Variants in SCUBE2 observed in about 807,000 individuals in gnomAD.
The protein encoded by SCUBE2 is signal peptide, CUB and EGF-like domain-containing protein 2.
A neutral mutation model predicts 125.9 loss-of-function variants in SCUBE2; 114 were observed. The observed-to-expected ratio is 0.91, with a 90% CI of 0.78 to 1.06. The LOEUF is 1.06. SCUBE2 is among the 50% of genes least tolerant of loss of function. The probability of loss-of-function intolerance (pLI) is 0.00; values close to 1 mark genes in which losing one functional copy is unlikely to be tolerated. For missense variants in SCUBE2, 1,255 were observed against 1,301.8 expected (o/e 0.96, Z 0.55); for synonymous variants, 459 against 492.9 (o/e 0.93, Z 0.91).
At chr11:9,051,551 T>C (rs1322624687) in intron 13 of SCUBE2, among the ~76,000 whole-genome samples, 1 of 152,094 alleles carries the variant, frequency 6.6e-6, no homozygotes, top group African/African-American at 2.4e-5. Flanking sequence ...ATGTGCAAAA[T>C]TCTGTTCTCC....
At chr11:9,088,846 G>A (rs544925488) in intron 2 of SCUBE2, among the ~76,000 whole-genome samples, 22 of 152,320 alleles carry the variant, frequency 1.4e-4, no homozygotes, top group Middle Eastern at 3.4e-3. Context: ...GAGAAACGTG[G>A]GGTTGGGGAC....
rs1446999010 is a variant in SCUBE2 at position 9,091,369 on chromosome 11, G to A, written c.133+27C>T. Reference sequence around the variant, plus strand: ...CTTCCTGGCCCTGCCTGCTGTGCCAGGTGCGCCCCCGCGGCCGGACACTCA... The same window carrying A: ...CTTCCTGGCCCTGCCTGCTGTGCCAAGTGCGCCCCCGCGGCCGGACACTCA... On this transcript the variant is annotated intron_variant, in intron 1 of 22. Transcript: ENST00000649792. The surrounding 1 kb of genome is among the most constrained non-coding windows in gnomAD (Gnocchi z 8.5). 7.7e-7 allele frequency: 1 copy of A among 1,300,634 alleles called. No homozygotes were observed. Among genetic ancestry groups the A allele is most frequent in the Non-Finnish European group, 9.7e-7 (1 of 1,029,178 alleles). The allele number at this position is 1,300,634 out of a possible 1,614,324, so 80.6% of individuals were successfully genotyped here.
chr11:9,069,029 T>C (rs749835484), intron 5 of SCUBE2, among the ~76,000 whole-genome samples: 3 of 152,176 alleles, frequency 2.0e-5, no homozygotes, highest in Non-Finnish European at 4.4e-5. Context: ...ATGAGGTTTA[T>C]AGGGGAAGCA....
chr11:9,021,123 C>T lies in SCUBE2; in HGVS notation c.3009G>A (p.Glu1003=). The change falls in exon 23 of 23, where the codon GAG becomes GAA. Residue 1003 remains glutamate, a synonymous_variant. Transcript: ENST00000649792. ...ACGATCTTGGAAACATCTCTCGGGACTCCTGGGCTGTGTACTTGAAATAGT... is the reference window on the plus strand; with the variant it reads ...ACGATCTTGGAAACATCTCTCGGGATTCCTGGGCTGTGTACTTGAAATAGT... The part of the protein sequence containing the change: ...PQNYFKYTAQ[E]SREMFPRSFI... 1 of 1,613,730 alleles carries T rather than the reference C, an allele frequency of 6.2e-7. No homozygotes were observed. The highest frequency in any genetic ancestry group is 8.5e-7 in the Non-Finnish European group (1 of 1,179,810).
At chr11:9,041,260 G>T (rs1857214927) in intron 16 of SCUBE2, among the ~76,000 whole-genome samples, 1 of 150,812 alleles carries the variant, frequency 6.6e-6, no homozygotes, top group Admixed American at 6.7e-5. Flanking sequence ...GAGGGAGAGA[G>T]AATGTGTGTG....
At chr11:9,039,138 C>A (rs1856990781) in intron 16 of SCUBE2, among the ~76,000 whole-genome samples, 1 of 150,500 alleles carries the variant, frequency 6.6e-6, no homozygotes, top group Non-Finnish European at 1.5e-5. Flanking sequence ...TGTACCCAGC[C>A]TGATTTATGT....
chr11:9,066,846 T>C (rs1860291919), intron 5 of SCUBE2, 33 bp from the exon 6 acceptor site: 1 of 1,533,806 alleles, frequency 6.5e-7, no homozygotes, highest in Non-Finnish European at 9.0e-7. Flanking sequence ...CATAAAGCAC[T>C]GAGATTTCCA....
intron 2 of SCUBE2, among the ~76,000 whole-genome samples, chr11:9,084,213 C>T (rs1429643526): frequency 6.6e-6 from 1 of 152,130 alleles, no homozygotes; most frequent in Non-Finnish European, 1.5e-5. Flanking sequence ...GTGTGGGGAG[C>T]TTCCAATGGC....
At chr11:9,062,063 A>T (rs1859736669) in intron 7 of SCUBE2, among the ~76,000 whole-genome samples, 1 of 152,226 alleles carries the variant, frequency 6.6e-6, no homozygotes, top group Non-Finnish European at 1.5e-5. Context: ...AGTCTGGACC[A>T]GAGAGGTACC....
chr11:9,058,162 T>C (rs1490042794), intron 9 of SCUBE2, among the ~76,000 whole-genome samples: 2 of 152,110 alleles, frequency 1.3e-5, no homozygotes, highest in Admixed American at 1.3e-4. Context: ...CAAAGGCTGA[T>C]GGTTTAAAGC....
At chr11:9,048,397 C>T (rs1454042748) in intron 14 of SCUBE2, among the ~76,000 whole-genome samples, 2 of 152,202 alleles carry the variant, frequency 1.3e-5, no homozygotes, top group African/African-American at 4.8e-5. Flanking sequence ...CAGGGATTGT[C>T]TTGCATTCCT....
intron 16 of SCUBE2, among the ~76,000 whole-genome samples, chr11:9,041,967 G>C (rs531947681): frequency 6.6e-6 from 1 of 152,214 alleles, no homozygotes; most frequent in African/African-American, 2.4e-5. Flanking sequence ...AAGATAGAGG[G>C]GGGCCTTAGA....
At chr11:9,050,197 T>A (rs1170247425) in intron 14 of SCUBE2, 1 of 167,980 alleles carries the variant, frequency 6.0e-6, no homozygotes, top group Non-Finnish European at 1.3e-5. Flanking sequence ...ATATTAGATC[T>A]TTGTTCATCA....
At chr11:9,070,067 C>G (rs771070766) in intron 4 of SCUBE2, among the ~76,000 whole-genome samples, 3 of 152,156 alleles carry the variant, frequency 2.0e-5, no homozygotes, top group Admixed American at 6.5e-5. Flanking sequence ...TCAGCCACTC[C>G]CTTGATCCCT....
chr11:9,047,712 G>A, intron 15 of SCUBE2, 150 bp from the exon 16 acceptor site: 1 of 947,414 alleles, frequency 1.1e-6, no homozygotes, highest in Non-Finnish European at 1.6e-6. Flanking sequence ...AGGCTGGGCA[G>A]CATTTGATTC....
At chr11:9,065,270 G>C (rs1001710945) in intron 7 of SCUBE2, 6 of 152,360 alleles carry the variant, frequency 3.9e-5, no homozygotes, top group Non-Finnish European at 5.9e-5. Context: ...GGAGAGACCA[G>C]GTGGAGGTGA....
Position 9,063,006 on chromosome 11 carries a change from C to T in SCUBE2, c.851-2482G>A, listed in dbSNP as rs889221842. 7.2e-5 allele frequency among the ~76,000 whole-genome samples: 11 copies of T among 151,944 alleles called. No individual in the cohort carries two copies. The South Asian group carries it at 8.3e-4, about 11-fold the overall frequency. On this transcript the variant is annotated intron_variant, in intron 7 of 22. Coordinates refer to ENST00000649792, the MANE Select transcript of SCUBE2 (RefSeq NM_001367977.2). ...CTGTAATCCCAGCACTTTGAGAGGA[C>T]GAGACAGGTGGGTCACATAGGCCAG...
In SCUBE2 at chr11:9,025,778, C is replaced by A. The variant is rs747246241; in HGVS notation, c.2778G>T (p.Lys926Asn). The A allele has an allele frequency of 1.2e-6, 2 of 1,614,166 alleles. No individual in the cohort carries two copies. Among genetic ancestry groups the A allele is most frequent in the Admixed American group, 3.3e-5 (2 of 60,014 alleles). ...TGGACTTGAACTGAATCCACAGCTT[C>A]TTTGACCTGGAGGTGAAGGCGATGG... ...ERPIAFTSRS[K>N]KLWIQFKSNE... is the part of the protein sequence containing the mutation. The change falls in exon 21 of 23, where the codon AAG becomes AAT. Residue 926 changes from lysine to asparagine, a missense_variant. Around this residue, in one of 3 missense-constraint regions of SCUBE2, gnomAD observed 515 missense variants for 515.7 expected, o/e 1.00. Transcript: ENST00000649792.
At chr11:9,071,723 C>T (rs1418143674) in intron 4 of SCUBE2, among the ~76,000 whole-genome samples, 1 of 152,148 alleles carries the variant, frequency 6.6e-6, no homozygotes, top group African/African-American at 2.4e-5. Flanking sequence ...AAAAATATGC[C>T]TTGTGAATTG....
Sources: gnomAD v4.1 joint callset for allele counts (sites outside exome capture counted in the v4.1 genomes callset) on GRCh38, gnomAD v4.1.1 for gene constraint, gnomAD v4.1.1 regional missense constraint, Gnocchi (gnomAD v3.1) non-coding constraint, MANE v1.5 for transcripts, NCBI Gene and HGNC (gene_info 2026-07-23, HGNC 2026-07-21) for gene names.